NFIB: variants seen among roughly 807,000 people sequenced by gnomAD.
The protein encoded by NFIB is nuclear factor 1 B-type.
A neutral mutation model predicts 61.5 loss-of-function variants in NFIB; 11 were observed. The ratio of observed to expected loss-of-function variants is 0.18; its 90% CI spans 0.11 to 0.30. The LOEUF (loss-of-function observed/expected upper bound fraction) is 0.30, where lower values mean the gene tolerates loss of function less well. Ranked by LOEUF, NFIB falls within the 10% of genes least tolerant of loss-of-function variation. The probability of loss-of-function intolerance (pLI) is 1.00; values close to 1 mark genes in which losing one functional copy is unlikely to be tolerated. For synonymous variants in NFIB, 260 were observed against 216.5 expected, an observed-to-expected ratio of 1.20 and a Z score of -1.76; for missense variants, 471 against 608.9, an observed-to-expected ratio of 0.77 and a Z score of 2.38.
chr9:14,343,387 T>C (rs77559065), intron 1 of NFIB, among the ~76,000 whole-genome samples: 3,490 of 152,132 alleles, frequency 0.023, 115 homozygotes, highest in African/African-American at 0.079. Context: ...GCCCTCCCTA[T>C]TGGATACTCA....
At chr9:14,118,644 T>C (rs928547235) in intron 8 of NFIB, among the ~76,000 whole-genome samples, 1 of 152,084 alleles carries the variant, frequency 6.6e-6, no homozygotes, top group Non-Finnish European at 1.5e-5. Context: ...ATACTGTAGA[T>C]AGAAAAGAGA....
At chr9:14,157,854 A>T (rs147507040) in intron 3 of NFIB, among the ~76,000 whole-genome samples, 9 of 152,226 alleles carry the variant, frequency 5.9e-5, no homozygotes, top group African/African-American at 2.2e-4. Flanking sequence ...TATTAAGTAC[A>T]AAACCTTCTT....
At chr9:14,453,875 G>T in the NFIB span, among the ~76,000 whole-genome samples, 2 of 152,034 alleles carry the variant, frequency 1.3e-5, 1 homozygote, top group South Asian at 4.2e-4. Context: ...AGGGTCAGGA[G>T]ATCGAGACCA....
At chr9:14,295,523 C>G (rs1169695528) in intron 2 of NFIB, among the ~76,000 whole-genome samples, 1 of 152,034 alleles carries the variant, frequency 6.6e-6, no homozygotes, top group Non-Finnish European at 1.5e-5. Context: ...CCCAGCTACT[C>G]GGCAAGCTGA....
the NFIB span, among the ~76,000 whole-genome samples, chr9:14,472,956 T>C: frequency 6.6e-6 from 1 of 152,218 alleles, no homozygotes. Flanking sequence ...TAGAATTATT[T>C]TAGTTATCAT....
In NFIB at chr9:14,150,255, G is replaced by C. The variant is rs751770411; in HGVS notation, c.696C>G (p.Thr232=). Residue 232 remains threonine, a synonymous_variant, in exon 5 of 11, where the codon ACC becomes ACG. Coordinates refer to ENST00000380953, the MANE Select transcript of NFIB (RefSeq NM_001190737.2). Reference sequence around the variant, plus strand: ...TTGGGAAGTTGACTCCAGTTCCCTGGGTTATGGGCGCTGAGGAATAAGACA... The same window carrying C: ...TTGGGAAGTTGACTCCAGTTCCCTGCGTTATGGGCGCTGAGGAATAAGACA... ...ELVRVSRTPI[T]QGTGVNFPIG... 5.6e-6 allele frequency: 9 copies of C among 1,613,222 alleles called. No individual in the cohort carries two copies. Among genetic ancestry groups the C allele is most frequent in the African/African-American group, 1.3e-5 (1 of 74,842 alleles).
chr9:14,158,320 G>C (rs909720197), intron 3 of NFIB, among the ~76,000 whole-genome samples: 1 of 151,978 alleles, frequency 6.6e-6, no homozygotes, highest in Non-Finnish European at 1.5e-5. Flanking sequence ...TCAAAATCCA[G>C]CCCAACCACC....
intron 2 of NFIB, among the ~76,000 whole-genome samples, chr9:14,249,180 A>G (rs890189600): frequency 6.6e-6 from 1 of 152,192 alleles, no homozygotes; most frequent in African/African-American, 2.4e-5. Flanking sequence ...CGTCAACTAA[A>G]TATTTCAAAT....
At position 14,175,472 on chromosome 9, in the gene NFIB, C is replaced by A. The variant is rs771993777; in HGVS notation, c.616+4255G>T. On this transcript the variant is annotated intron_variant, in intron 3 of 10. Coordinates refer to ENST00000380953, the MANE Select transcript of NFIB (RefSeq NM_001190737.2). ...TACAGGCGTAAGACACCACGCCCAG[C>A]CAGCGACTTAAAGAATTTCTTAAGT... Among the ~76,000 whole-genome samples, 210 of 152,238 alleles carry A rather than the reference C, an allele frequency of 1.4e-3. 2 individuals carry two copies. The highest frequency in any genetic ancestry group is 2.6e-3 in the Non-Finnish European group (176 of 68,024).
At chr9:14,157,822 G>A (rs926567026) in intron 3 of NFIB, among the ~76,000 whole-genome samples, 5 of 151,774 alleles carry the variant, frequency 3.3e-5, no homozygotes, top group Admixed American at 2.0e-4. Context: ...TTTTATATAG[G>A]GTAAACTTAA....
At chr9:14,213,560 C>G (rs963113405) in intron 2 of NFIB, among the ~76,000 whole-genome samples, 3 of 152,142 alleles carry the variant, frequency 2.0e-5, no homozygotes, top group African/African-American at 7.2e-5. Context: ...TGCTGCTGGT[C>G]GTGGGACCAA....
chr9:14,092,476 C>T (rs540093078), intron 10 of NFIB, among the ~76,000 whole-genome samples: 2 of 152,116 alleles, frequency 1.3e-5, no homozygotes, highest in South Asian at 4.1e-4. Context: ...CCACTTAGCC[C>T]TCAGTTATGA....
At chr9:14,521,420 C>G in the NFIB span, among the ~76,000 whole-genome samples, 5 of 152,084 alleles carry the variant, frequency 3.3e-5, no homozygotes, top group African/African-American at 9.7e-5. Context: ...GACTTTTAAT[C>G]CTGGCACTGC....
chr9:14,484,540 T>C, the NFIB span, among the ~76,000 whole-genome samples: 3 of 152,326 alleles, frequency 2.0e-5, no homozygotes, highest in African/African-American at 7.2e-5. Flanking sequence ...TAAGAATTTA[T>C]AAATGCATCA....
the NFIB span, among the ~76,000 whole-genome samples, chr9:14,511,217 T>G: frequency 6.6e-6 from 1 of 152,212 alleles, no homozygotes; most frequent in Non-Finnish European, 1.5e-5. Flanking sequence ...ACTAATTGGT[T>G]ATCAGTACAT....
chr9:14,358,322 G>A (rs1429666311), intron 1 of NFIB, among the ~76,000 whole-genome samples: 2 of 151,816 alleles, frequency 1.3e-5, no homozygotes, highest in Admixed American at 1.3e-4. Flanking sequence ...AAAAAAGGCT[G>A]TTCGTTTCTT....
intron 3 of NFIB, among the ~76,000 whole-genome samples, chr9:14,170,499 G>A (rs1015016123): frequency 6.6e-6 from 1 of 152,096 alleles, no homozygotes; most frequent in African/African-American, 2.4e-5. Context: ...AAAATTAGCT[G>A]GGCATGGTGG....
chr9:14,319,939 T>C (rs77482098), intron 1 of NFIB, among the ~76,000 whole-genome samples: 2,740 of 152,280 alleles, frequency 0.018, 54 homozygotes, highest in African/African-American at 0.049. Context: ...AAACAAAATA[T>C]ATGTTCAGTA....
chr9:14,143,991 AGTGTGTGTGTGTGTGTGT>A (rs141101627), intron 6 of NFIB, among the ~76,000 whole-genome samples: 6 of 134,232 alleles, frequency 4.5e-5, no homozygotes, highest in East Asian at 2.2e-4. Context: ...AAAGTGACAG[AGTGTGTGTGTGTGTGTGT>A]GTGTGTGTGT....
Sources: gnomAD v4.1 joint callset for allele counts (sites outside exome capture counted in the v4.1 genomes callset) on GRCh38, gnomAD v4.1.1 for gene constraint, MANE v1.5 for transcripts, NCBI Gene and HGNC (gene_info 2026-07-23, HGNC 2026-07-21) for gene names.